The following IFT43 variants were observed in gnomAD, a reference collection of about 807,000 sequenced individuals.
IFT43 encodes the protein intraflagellar transport protein 43 homolog.
IFT43 carries 33 observed loss-of-function variants against 32.3 expected under a neutral mutation model. That is an observed-to-expected ratio of 1.02 (90% CI 0.77 to 1.37). The LOEUF is 1.37. Ranked by LOEUF, IFT43 falls within the 40% of genes most tolerant of loss-of-function variation. The probability of loss-of-function intolerance (pLI) is 0.00; values close to 1 mark genes in which losing one functional copy is unlikely to be tolerated. For synonymous variants in IFT43, 93 were observed against 98.2 expected (o/e 0.95, Z 0.31); for missense variants, 274 against 265.9 (o/e 1.03, Z -0.21).
intron 2 of IFT43, among the ~76,000 whole-genome samples, chr14:76,009,235 C>G (rs2036034294): frequency 6.6e-6 from 1 of 152,206 alleles, no homozygotes; most frequent in South Asian, 2.1e-4. Flanking sequence ...GGTTTGAATC[C>G]TTGCCCTGTT....
chr14:76,082,032 C>G (rs2037519332), intron 5 of IFT43, among the ~76,000 whole-genome samples: 1 of 152,200 alleles, frequency 6.6e-6, no homozygotes, highest in African/African-American at 2.4e-5. Flanking sequence ...TCAGAATCAC[C>G]AAGGAACGCC....
At chr14:76,032,065 C>T (rs1053317465) in intron 3 of IFT43, among the ~76,000 whole-genome samples, 5 of 152,122 alleles carry the variant, frequency 3.3e-5, no homozygotes, top group Non-Finnish European at 5.9e-5. Context: ...CCTTCTACCC[C>T]CTCCCCTAAT....
chr14:75,992,447 G>A (rs2139870278), intron 2 of IFT43, among the ~76,000 whole-genome samples: 1 of 152,340 alleles, frequency 6.6e-6, no homozygotes, highest in Middle Eastern at 3.4e-3. Flanking sequence ...GAAAGAGCAT[G>A]CCAGCCAGAG....
intron 2 of IFT43, among the ~76,000 whole-genome samples, chr14:76,015,051 T>C (rs1285091925): frequency 1.3e-5 from 2 of 152,196 alleles, no homozygotes; most frequent in Non-Finnish European, 2.9e-5. Context: ...CTTCTACTTT[T>C]TCTATTGCAC....
At chr14:76,051,840 C>T (rs1180552121) in intron 3 of IFT43, among the ~76,000 whole-genome samples, 2 of 152,144 alleles carry the variant, frequency 1.3e-5, no homozygotes, top group African/African-American at 4.8e-5. Flanking sequence ...GCCTTTGGCC[C>T]CTGGCTGCAG....
intron 1 of IFT43, 155 bp from the exon 2 acceptor site, chr14:75,988,730 G>A (rs1286825877): frequency 2.2e-6 from 1 of 464,302 alleles, no homozygotes; most frequent in Non-Finnish European, 2.8e-6. Context: ...GTGTTAGCCA[G>A]GATGGTCTGG....
chr14:75,999,281 A>ATATATATATATTT (rs1566699821), intron 2 of IFT43, among the ~76,000 whole-genome samples: 2 of 39,064 alleles, frequency 5.1e-5, no homozygotes, highest in African/African-American at 2.4e-4. Context: ...ATGTATATAT[A>ATATATATATATTT]TTTTTTTTTT....
chr14:76,053,642 G>C (rs2036957060), intron 3 of IFT43, among the ~76,000 whole-genome samples: 1 of 152,186 alleles, frequency 6.6e-6, no homozygotes, highest in Admixed American at 6.5e-5. Context: ...ACGAGGCGGA[G>C]GTGAGAGAGA....
chr14:76,072,667 C>T (rs1326138103), intron 5 of IFT43, among the ~76,000 whole-genome samples: 1 of 152,164 alleles, frequency 6.6e-6, no homozygotes, highest in Admixed American at 6.5e-5. Flanking sequence ...TGTCAGCATT[C>T]TGTCATGCTA....
At chr14:76,027,334 C>CCT (rs1266414800) in intron 3 of IFT43, among the ~76,000 whole-genome samples, 2 of 36,974 alleles carry the variant, frequency 5.4e-5, no homozygotes, top group South Asian at 1.6e-3. Context: ...TTCCCCAACA[C>CCT]CCCCCACACA....
intron 5 of IFT43, among the ~76,000 whole-genome samples, chr14:76,073,785 T>C (rs984989652): frequency 6.6e-6 from 1 of 152,080 alleles, no homozygotes. Context: ...CCTTTGAAAA[T>C]TGCAGCAGCG....
chr14:76,011,037 GTAT>G (rs2036074913), intron 2 of IFT43, among the ~76,000 whole-genome samples: 1 of 151,282 alleles, frequency 6.6e-6, no homozygotes, highest in Non-Finnish European at 1.5e-5. Context: ...TGAGTAGCTG[GTAT>G]TATAGCTGCA....
chr14:76,006,345 C>G (rs181345258), intron 2 of IFT43, among the ~76,000 whole-genome samples: 1 of 152,334 alleles, frequency 6.6e-6, no homozygotes, highest in Admixed American at 6.5e-5. Flanking sequence ...GATTAAGTGA[C>G]TGTTCCTAGG....
At chr14:76,007,888 C>T (rs866393819) in intron 2 of IFT43, among the ~76,000 whole-genome samples, 2 of 152,082 alleles carry the variant, frequency 1.3e-5, no homozygotes, top group African/African-American at 4.8e-5. Flanking sequence ...AAGAAGATGC[C>T]ATCCAAGGTG....
chr14:75,986,267 T>A, intron 1 of IFT43: 1 of 1,278,018 alleles, frequency 7.8e-7, no homozygotes, highest in Non-Finnish European at 1.0e-6. Flanking sequence ...CGCACTGTTT[T>A]ATGCATGGAA....
At chr14:76,076,879 T>C (rs1225426090) in intron 5 of IFT43, among the ~76,000 whole-genome samples, 4 of 152,144 alleles carry the variant, frequency 2.6e-5, no homozygotes, top group Non-Finnish European at 5.9e-5. Flanking sequence ...TCTATTGGTA[T>C]TCTATAAGTT....
intron 2 of IFT43, among the ~76,000 whole-genome samples, chr14:76,018,178 A>G (rs1456832946): frequency 6.7e-6 from 1 of 148,280 alleles, no homozygotes; most frequent in African/African-American, 2.5e-5. Context: ...TTTTTGATGT[A>G]GGTATTCATT....
chr14:75,995,947 G>A (rs563482550), intron 2 of IFT43, among the ~76,000 whole-genome samples: 35 of 152,254 alleles, frequency 2.3e-4, no homozygotes, highest in African/African-American at 7.5e-4. Context: ...CCCTGGGGCC[G>A]GCCGCTGTGT....
intron 1 of IFT43, 75 bp downstream of exon 1, chr14:75,985,915 C>T (rs1457629033): frequency 6.3e-7 from 1 of 1,580,850 alleles, no homozygotes; most frequent in East Asian, 2.3e-5. Context: ...GCCCCGACTT[C>T]TCTGAGGCGA....
Sources: gnomAD v4.1 joint callset for allele counts (sites outside exome capture counted in the v4.1 genomes callset) on GRCh38, gnomAD v4.1.1 for gene constraint, MANE v1.5 for transcripts, NCBI Gene and HGNC (gene_info 2026-07-23, HGNC 2026-07-21) for gene names.